Variants in PCDH15 observed in about 807,000 individuals in gnomAD.
The protein encoded by PCDH15 is protocadherin-15.
PCDH15 carries 129 observed loss-of-function variants against 178.5 expected under a neutral mutation model. That is an observed-to-expected ratio of 0.72 (90% confidence interval 0.63 to 0.84). The LOEUF is 0.84. Among genes scored for constraint, PCDH15 ranks in the 40% least tolerant of loss-of-function variants. PCDH15 has a pLI of 0.00. For synonymous variants in PCDH15, 800 were observed against 732.0 expected, an observed-to-expected ratio of 1.09 and a Z score of -1.50; for missense variants, 2,230 against 2,099.9, an observed-to-expected ratio of 1.06 and a Z score of -1.21.
At chr10:54,764,722 G>A (rs961838776) in intron 1 of PCDH15, among the ~76,000 whole-genome samples, 1 of 152,072 alleles carries the variant, frequency 6.6e-6, no homozygotes, top group African/African-American at 2.4e-5. Context: ...ATTCAAAATG[G>A]TCCCAGATGA....
intron 5 of PCDH15, among the ~76,000 whole-genome samples, chr10:54,361,015 A>G (rs1407100273): frequency 1.3e-5 from 2 of 152,146 alleles, no homozygotes; most frequent in Non-Finnish European, 2.9e-5. Flanking sequence ...AAATATAACT[A>G]GAAATATAAT....
chr10:54,782,484 A>G (rs541242568), intron 1 of PCDH15, among the ~76,000 whole-genome samples: 9 of 152,142 alleles, frequency 5.9e-5, no homozygotes, highest in Non-Finnish European at 8.8e-5. Flanking sequence ...GTAAAACGTA[A>G]AAGTACTAAC....
rs1392547442 is a variant in PCDH15, at chr10:54,185,154, G to C, written c.1420C>G (p.Gln474Glu). ...TLLQPVDREE[Q>E]QTYTFSITAF... ...TTTACCGAAAAGGTGTAAGTTTGCT[G>C]TTCTTCCCTGTCCACTGGTTGAAGT... Residue 474 changes from glutamine to glutamate, a missense_variant, in exon 12 of 38, where the codon CAG (glutamine) becomes GAG (glutamate). Transcript: ENST00000644397. 1.2e-6 allele frequency: 2 copies of C among 1,613,480 alleles called. No individual in the cohort carries two copies. The highest frequency in any genetic ancestry group is 2.2e-5 in the South Asian group (2 of 91,074).
chr10:55,536,185 T>G lies in PCDH15; in HGVS notation c.-156+91440A>C, dbSNP rs544320684. ...TATTCAAGAAATAAATTACAAGATTTAAAACATCAAGATATGAAACTGATA... is the reference window on the plus strand; with the variant it reads ...TATTCAAGAAATAAATTACAAGATTGAAAACATCAAGATATGAAACTGATA... On this transcript the variant is annotated intron_variant, in intron 2 of 5. Transcript: ENST00000613346. Among the ~76,000 whole-genome samples, 17 of 152,204 alleles carry G rather than the reference T, an allele frequency of 1.1e-4. 1 individual carries two copies. The South Asian group carries it at 3.5e-3, about 32-fold the overall frequency.
In PCDH15 at chr10:54,396,985, T is replaced by C. The variant is rs545673069; in HGVS notation, c.158-18043A>G. On this transcript the variant is annotated intron_variant, in intron 3 of 37. Coordinates refer to ENST00000644397, the MANE Select transcript of PCDH15 (RefSeq NM_001384140.1). Reference sequence around the variant, plus strand: ...TTTTCTTATATACTTTAAAGTAATTTTATTCTGCAATATTGTGTCGAACTA... The same window carrying C: ...TTTTCTTATATACTTTAAAGTAATTCTATTCTGCAATATTGTGTCGAACTA... 2.0e-5 allele frequency among the ~76,000 whole-genome samples: 3 copies of C among 152,274 alleles called. No individual in the cohort carries two copies. The East Asian group carries it at 5.8e-4, about 29-fold the overall frequency.
At chr10:54,779,693 CA>C (rs767589070) in intron 1 of PCDH15, among the ~76,000 whole-genome samples, 14 of 151,382 alleles carry the variant, frequency 9.2e-5, no homozygotes, top group Admixed American at 4.0e-4. Context: ...ATCCTACTGT[CA>C]TTCCCAATAA....
intron 8 of PCDH15, among the ~76,000 whole-genome samples, chr10:54,266,785 T>G (rs2057720559): frequency 6.6e-6 from 1 of 151,170 alleles, no homozygotes. Flanking sequence ...CAACAATGAG[T>G]TACAGAATTG....
intron 1 of PCDH15, among the ~76,000 whole-genome samples, chr10:55,216,142 C>A (rs540014179): frequency 6.6e-6 from 1 of 151,770 alleles, no homozygotes; most frequent in Admixed American, 6.6e-5. Flanking sequence ...ATATAAAAGT[C>A]CTTGGCATAG....
intron 2 of PCDH15, among the ~76,000 whole-genome samples, chr10:55,582,630 T>TATA (rs1564465801): frequency 9.1e-4 from 91 of 100,162 alleles, no homozygotes; most frequent in Non-Finnish European, 1.2e-3. Context: ...ATATATATAT[T>TATA]TTTTTTTTTT....
At position 55,158,735 on chromosome 10, in the gene PCDH15, C is replaced by A. The variant is rs142901989; in HGVS notation, c.-80+7841G>T. 2.8e-3 allele frequency among the ~76,000 whole-genome samples: 428 copies of A among 150,282 alleles called. 4 individuals carry two copies. Among genetic ancestry groups the A allele is most frequent in the African/African-American group, 9.7e-3 (395 of 40,898 alleles). On this transcript the variant is annotated intron_variant, in intron 2 of 5. Transcript: ENST00000458638. ...GAAAGAAAAAGAAAAAAGAAAAAAA[C>A]AAACTGAGTAACAGAAGCCAGAAGC...
chr10:54,719,083 C>T (rs1474561409), intron 1 of PCDH15, among the ~76,000 whole-genome samples: 15 of 150,422 alleles, frequency 1.0e-4, no homozygotes, highest in Admixed American at 9.9e-4. Context: ...TAAAGAAGCT[C>T]AATGAAATCC....
chr10:54,446,215 T>C (rs1241128756), intron 3 of PCDH15, among the ~76,000 whole-genome samples: 1 of 151,686 alleles, frequency 6.6e-6, no homozygotes, highest in Non-Finnish European at 1.5e-5. Context: ...GCTTTCTCTC[T>C]ATAGTTTTCT....
At chr10:54,066,004 G>A (rs545894565) in intron 18 of PCDH15, among the ~76,000 whole-genome samples, 8 of 152,258 alleles carry the variant, frequency 5.3e-5, no homozygotes, top group Admixed American at 4.6e-4. Context: ...CCTGAACTCT[G>A]GGTTTGGAAC....
chr10:55,050,200 G>C (rs566363358), intron 2 of PCDH15, among the ~76,000 whole-genome samples: 17 of 151,966 alleles, frequency 1.1e-4, no homozygotes, highest in African/African-American at 4.1e-4. Flanking sequence ...AGTTTTTCCT[G>C]AGCTTTCAGG....
chr10:55,350,272 C>T (rs12359576), intron 2 of PCDH15, among the ~76,000 whole-genome samples: 8,873 of 43,504 alleles, frequency 0.2, 400 homozygotes, highest in Non-Finnish European at 0.24. Context: ...TATATATACA[C>T]ACACACACAC....
chr10:55,476,450 T>C (rs903535874), intron 2 of PCDH15, among the ~76,000 whole-genome samples: 1 of 151,992 alleles, frequency 6.6e-6, no homozygotes, highest in Non-Finnish European at 1.5e-5. Flanking sequence ...CATTTTTAAA[T>C]TGACAATGAT....
intron 1 of PCDH15, among the ~76,000 whole-genome samples, chr10:55,207,191 GA>G (rs1238881536): frequency 6.6e-6 from 1 of 152,084 alleles, no homozygotes; most frequent in African/African-American, 2.4e-5. Context: ...ACAACATGAT[GA>G]ATTTGCTTAA....
rs372184022 is a variant in PCDH15 at position 53,809,201 on chromosome 10, T to C, written c.4671+1355A>G. The C allele has an allele frequency of 1.7e-4, 267 of 1,613,836 alleles. No individual in the cohort carries two copies. The highest frequency in any genetic ancestry group is 2.1e-4 in the Non-Finnish European group (251 of 1,179,870). On this transcript the variant is annotated intron_variant, in intron 37 of 37. Transcript: ENST00000644397. ...TCCTCTTCTGTAGTCTCAGACTCAC[T>C]GAACTCAGACTCTTCTTCACTGTAT... is the stretch of plus-strand genomic sequence containing the variant.
chr10:54,364,709 T>C (rs1382946514), intron 5 of PCDH15, among the ~76,000 whole-genome samples: 2 of 152,192 alleles, frequency 1.3e-5, no homozygotes, highest in Non-Finnish European at 2.9e-5. Flanking sequence ...GTGGCTTAAA[T>C]TAATATAATT....
Sources: allele counts gnomAD v4.1 joint callset (sites outside exome capture counted in the v4.1 genomes callset), GRCh38; gene constraint gnomAD v4.1.1; transcripts MANE v1.5; gene names NCBI Gene and HGNC (gene_info 2026-07-23, HGNC 2026-07-21).